FMO1: variants seen among roughly 807,000 people sequenced by gnomAD.
FMO1 encodes flavin containing dimethylaniline monoxygenase 1.
Under a neutral mutation model 45.4 loss-of-function variants are expected in FMO1, and 36 were observed. That is an observed-to-expected ratio of 0.79 (90% CI 0.61 to 1.05). The LOEUF is 1.05. Ranked by LOEUF, FMO1 falls within the 50% of genes least tolerant of loss-of-function variation. The pLI is 0.00. For synonymous variants in FMO1, 228 were observed against 227.2 expected, an observed-to-expected ratio of 1.00 and a Z score of -0.03; for missense variants, 615 against 640.3, an observed-to-expected ratio of 0.96 and a Z score of 0.43.
Position 171,285,239 on chromosome 1 carries a change from T to C in FMO1, c.1294T>C (p.Tyr432His). The C allele has an allele frequency of 1.9e-6, 3 of 1,613,178 alleles. No individual in the cohort carries two copies. Among genetic ancestry groups the C allele is most frequent in the Non-Finnish European group, 2.5e-6 (3 of 1,179,574 alleles). ...CTACTGCAAGGCTTTACAATCAGATTATATCACATACATAGATGAACTCCT... is the reference window on the plus strand; with the variant it reads ...CTACTGCAAGGCTTTACAATCAGATCATATCACATACATAGATGAACTCCT... ...LCYCKALQSD[Y>H]ITYIDELLTY... The change falls in exon 9 of 9, where the codon TAT (tyrosine) becomes CAT (histidine). Residue 432 changes from tyrosine (Y) to histidine (H), a missense_variant. Transcript: ENST00000617670.
At chr1:171,251,567 C>CA (rs1420358922) in intron 1 of FMO1, 1 of 151,530 alleles carries the variant, frequency 6.6e-6, no homozygotes, top group East Asian at 2.1e-4. Flanking sequence ...CAGCATTCCT[C>CA]ACACAGTTCC....
intron 3 of FMO1, chr1:171,271,749 G>T (rs1660876824): frequency 2.0e-6 from 1 of 488,284 alleles, no homozygotes; most frequent in Non-Finnish European, 3.6e-6. Context: ...AGATGATTTA[G>T]GGTATCTGGC....
chr1:171,285,106 C>T (rs1036682045), intron 8 of FMO1, 96 bp from the exon 9 acceptor site: 1 of 758,630 alleles, frequency 1.3e-6, no homozygotes, highest in African/African-American at 1.8e-5. Context: ...ATCCCAAATT[C>T]TGCAGCAGTA....
At chr1:171,273,139 A>G (rs1037440320) in intron 3 of FMO1, among the ~76,000 whole-genome samples, 1 of 152,106 alleles carries the variant, frequency 6.6e-6, no homozygotes, top group Non-Finnish European at 1.5e-5. Context: ...ATAAGGCAGA[A>G]TTTCCCTGCA....
chr1:171,261,935 G>C (rs187627307), intron 2 of FMO1, among the ~76,000 whole-genome samples: 1 of 152,248 alleles, frequency 6.6e-6, no homozygotes, highest in East Asian at 1.9e-4. Context: ...CAGGGATAAA[G>C]AACCACTTCT....
At chr1:171,249,686 AGTGT>A (rs72417662) in intron 1 of FMO1, among the ~76,000 whole-genome samples, 1 of 150,608 alleles carries the variant, frequency 6.6e-6, no homozygotes, top group Non-Finnish European at 1.5e-5. Flanking sequence ...AAGGTGTAGG[AGTGT>A]GTGTGTGTGT....
chr1:171,253,875 A>G (rs1244496534), intron 1 of FMO1: 1 of 152,188 alleles, frequency 6.6e-6, no homozygotes, highest in East Asian at 1.9e-4. Context: ...GCTTCTGTAT[A>G]CTGGATGTTT....
intron 8 of FMO1, among the ~76,000 whole-genome samples, chr1:171,284,744 GAAAAAAGA>G (rs1246500717): frequency 7.2e-6 from 1 of 139,318 alleles, no homozygotes; most frequent in African/African-American, 2.7e-5. Context: ...AAAAAAAAAA[GAAAAAAGA>G]AAAAAAGAAA....
chr1:171,264,311 A>T (rs978170120), intron 2 of FMO1, among the ~76,000 whole-genome samples: 10 of 149,606 alleles, frequency 6.7e-5, no homozygotes, highest in African/African-American at 2.2e-4. Flanking sequence ...TAAAATTTTT[A>T]ATTTGTGTGT....
In FMO1 at chr1:171,285,322, G is replaced by A; in HGVS notation, c.1377G>A (p.Leu459=). The change falls in exon 9 of 9, where the codon CTG becomes CTA. Residue 459 remains leucine, a synonymous_variant. Coordinates refer to ENST00000617670, the MANE Select transcript of FMO1 (RefSeq NM_001282693.2). ...LFSMLLTDPH[L]ALTVFFGPCS... Reference sequence around the variant, plus strand: ...CTATGCTCCTAACGGATCCACATCTGGCTCTGACCGTCTTCTTTGGCCCAT... The same window carrying A: ...CTATGCTCCTAACGGATCCACATCTAGCTCTGACCGTCTTCTTTGGCCCAT... The A allele has an allele frequency of 6.2e-7, 1 of 1,613,984 alleles. No individual in the cohort carries two copies. Among genetic ancestry groups the A allele is most frequent in the African/African-American group, 1.3e-5 (1 of 74,994 alleles).
intron 3 of FMO1, among the ~76,000 whole-genome samples, 170 bp from the exon 4 acceptor site, chr1:171,275,176 A>G (rs982221855): frequency 5.9e-5 from 9 of 152,208 alleles, no homozygotes; most frequent in African/African-American, 2.2e-4. Context: ...GACTACCTCC[A>G]TCTAGGGAAT....
chr1:171,256,626 A>G (rs1402641937), intron 1 of FMO1, among the ~76,000 whole-genome samples: 1 of 152,090 alleles, frequency 6.6e-6, no homozygotes, highest in Admixed American at 6.5e-5. Flanking sequence ...ACACTTTTAC[A>G]TGTTGCTTGA....
chr1:171,283,712 A>G (rs189818839), intron 8 of FMO1, among the ~76,000 whole-genome samples: 7 of 152,320 alleles, frequency 4.6e-5, no homozygotes, highest in South Asian at 2.1e-4. Flanking sequence ...AGGAAGAAGA[A>G]AAACAAAATT....
In FMO1 at chr1:171,285,585, A is replaced by G. The variant is rs373221230; in HGVS notation, c.*41A>G. The G allele has an allele frequency of 3.0e-5, 36 of 1,198,550 alleles. No homozygotes were observed. The South Asian group carries it at 3.2e-4, about 11-fold the overall frequency. The allele number at this position is 1,198,550 out of a possible 1,614,324, so 74.2% of individuals were successfully genotyped here. On this transcript the variant is annotated 3_prime_UTR_variant, in exon 9 of 9. Coordinates refer to ENST00000617670, the MANE Select transcript of FMO1 (RefSeq NM_001282693.2). ...AATGGAAGATGCACAGAGTAGATTT[A>G]CAATGCTCCAATTCCTCTCTTACAG...
At chr1:171,271,017 C>G (rs1660838035) in intron 3 of FMO1, 1 of 989,216 alleles carries the variant, frequency 1.0e-6, no homozygotes, top group Admixed American at 2.0e-5. Context: ...CTTCATCTTC[C>G]TCATCTTCCT....
rs551313277 is a variant in FMO1, at chr1:171,273,681, A to AT, written c.322-1657dup. Among the ~76,000 whole-genome samples, 10 of 151,732 alleles carry AT rather than the reference A, an allele frequency of 6.6e-5. No homozygotes were observed. The East Asian group carries it at 7.8e-4, about 12-fold the overall frequency. ...GGCACATACTACCATGCCTGGCTATATTTTTTTTAATTTTTAGTAGAGATA... is the reference window on the plus strand; with the variant it reads ...GGCACATACTACCATGCCTGGCTATATTTTTTTTTAATTTTTAGTAGAGATA... On this transcript the variant is annotated intron_variant, in intron 3 of 8. Transcript: ENST00000617670.
Position 171,282,240 on chromosome 1 carries a change from C to A in FMO1, c.1090C>A (p.Pro364Thr). ...TATCTTCCCTGCACATCTGCAAAAG[C>A]CAACCCTGGCCATTATTGGCCTCAT... ...KYIFPAHLQK[P>T]TLAIIGLIKP... The change falls in exon 7 of 9, where the codon CCA becomes ACA. Residue 364 changes from proline (P) to threonine (T), a missense_variant. Pro to Thr is a conservative substitution (Grantham distance 38, BLOSUM62 -1). Transcript: ENST00000617670. The A allele has an allele frequency of 6.2e-7, 1 of 1,613,996 alleles. No homozygotes were observed. The highest frequency in any genetic ancestry group is 2.2e-5 in the East Asian group (1 of 44,870).
chr1:171,281,826 C>A (rs1035236226), intron 6 of FMO1, 152 bp from the exon 7 acceptor site: 2 of 580,754 alleles, frequency 3.4e-6, no homozygotes, highest in Non-Finnish European at 3.1e-6. Flanking sequence ...ATTCATGAAT[C>A]CCCTTCCACT....
At position 171,268,768 on chromosome 1, in the gene FMO1, A is replaced by T. The variant is rs1435178714; in HGVS notation, c.321+1037A>T. 3.3e-5 allele frequency among the ~76,000 whole-genome samples: 5 copies of T among 152,328 alleles called. No individual in the cohort carries two copies. The East Asian group carries it at 9.6e-4, about 29-fold the overall frequency. On this transcript the variant is annotated intron_variant, in intron 3 of 8. Transcript: ENST00000617670. ...CACAAATGGAGACATTGACCAAAAC[A>T]AGTGGAAAATAAAATTTGCATTCAC...
Sources: allele counts gnomAD v4.1 joint callset (sites outside exome capture counted in the v4.1 genomes callset), GRCh38; gene constraint gnomAD v4.1.1; transcripts MANE v1.5; gene names NCBI Gene and HGNC (gene_info 2026-07-23, HGNC 2026-07-21).